Variants in DEK observed in about 807,000 individuals in gnomAD.
DEK encodes protein DEK.
DEK carries 28 observed loss-of-function variants against 46.8 expected under a neutral mutation model. The ratio of observed to expected loss-of-function variants is 0.60; its 90% confidence interval spans 0.44 to 0.82. The LOEUF (loss-of-function observed/expected upper bound fraction) is 0.82, where lower values mean the gene tolerates loss of function less well. Among genes scored for constraint, DEK ranks in the 40% least tolerant of loss-of-function variants. DEK has a pLI of 0.00. For synonymous variants in DEK, 160 were observed against 144.5 expected, an observed-to-expected ratio of 1.11 and a Z score of -0.77; for missense variants, 416 against 430.6, an observed-to-expected ratio of 0.97 and a Z score of 0.30.
Position 18,237,473 on chromosome 6 carries a change from G to C in DEK, c.806C>G (p.Ala269Gly), listed in dbSNP as rs2151081844. 6.2e-7 allele frequency: 1 copy of C among 1,609,826 alleles called. No individual in the cohort carries two copies. ...CACAGATTTTTTACTTTTAGAAGTA[G>C]CTTTCTGTTTAGGTTTTTCTCTTTT... Reference protein sequence around the residue: ...TAKREKPKQKATSKSKKSVKS... With the variant: ...TAKREKPKQKGTSKSKKSVKS... The change falls in exon 8 of 11, where the codon GCT (alanine) becomes GGT (glycine). Residue 269 changes from alanine to glycine, a missense_variant. Transcript: ENST00000652689.
In DEK at chr6:18,237,407, TTGG is replaced by T; in HGVS notation, c.869_871del (p.Thr290del). On this transcript the variant is annotated inframe_deletion, in exon 8 of 11. Transcript: ENST00000652689. ...TTTTTTGGAACTGTTTTGATTCTTC[TTGG>T]TGGTGCTGCTATCTGCTTTCTTAAC... 1 of 1,602,262 alleles carries T rather than the reference TTGG, an allele frequency of 6.2e-7. No individual in the cohort carries two copies. Among genetic ancestry groups the T allele is most frequent in the Non-Finnish European group, 8.5e-7 (1 of 1,177,514 alleles).
rs1476525597 is a variant in DEK, at chr6:18,237,455, T to C, written c.824A>G (p.Lys275Arg). ...PKQKATSKSK[K>R]SVKSANVKKA... The stretch of plus-strand genomic sequence containing the variant: ...CTTAACATTGGCACTTTTCACAGAT[T>C]TTTTACTTTTAGAAGTAGCTTTCTG... Residue 275 changes from lysine to arginine, a missense_variant, in exon 8 of 11, where the codon AAA becomes AGA. Physicochemically the swap from Lys to Arg is conservative, Grantham distance 26 (BLOSUM62 2). Transcript: ENST00000652689. 1.2e-6 allele frequency: 2 copies of C among 1,611,768 alleles called. No homozygotes were observed. The highest frequency in any genetic ancestry group is 1.7e-6 in the Non-Finnish European group (2 of 1,179,612).
intron 5 of DEK, 116 bp from the exon 6 acceptor site, chr6:18,255,967 G>T: frequency 8.3e-7 from 1 of 1,206,236 alleles, no homozygotes; most frequent in South Asian, 1.9e-5. Flanking sequence ...TTAAAAAAGT[G>T]GCCAATGCTT....
At position 18,236,734 on chromosome 6, in the gene DEK, CA is replaced by C. The variant is rs1790667321; in HGVS notation, c.899-135del. 4 of 551,990 alleles carry C rather than the reference CA, an allele frequency of 7.2e-6. No homozygotes were observed. The South Asian group carries it at 1.6e-4, about 22-fold the overall frequency. The allele number at this position is 551,990 out of a possible 1,614,324, so 34.2% of individuals were successfully genotyped here. A position where few individuals can be genotyped will look rare whatever the true frequency, so the allele number is the denominator to read the frequency against. On this transcript the variant is annotated intron_variant, in intron 8 of 10. Transcript: ENST00000652689. ...AAAAAAATTATAAATCACTACTCTA[CA>C]GTTACCTATAAAACATGCATACAAA... is the stretch of plus-strand genomic sequence containing the variant.
intron 9 of DEK, among the ~76,000 whole-genome samples, chr6:18,231,851 G>C (rs543151392): frequency 2.6e-5 from 4 of 152,072 alleles, no homozygotes; most frequent in East Asian, 1.9e-4. Flanking sequence ...GGAATCCTCC[G>C]TAACTCATTT....
intron 6 of DEK, among the ~76,000 whole-genome samples, chr6:18,254,461 C>T (rs2151091794): frequency 6.6e-6 from 1 of 152,252 alleles, no homozygotes; most frequent in East Asian, 1.9e-4. Context: ...AAATGCCACT[C>T]TTTCATTCTT....
chr6:18,252,301 G>A (rs112220145), intron 6 of DEK, among the ~76,000 whole-genome samples: 83 of 152,112 alleles, frequency 5.5e-4, no homozygotes, highest in African/African-American at 1.9e-3. Context: ...CATGAGCTCA[G>A]GAGTTTGTGA....
chr6:18,225,123 T>C lies in DEK; in HGVS notation c.*596A>G, dbSNP rs1174871023. 9.2e-6 allele frequency: 2 copies of C among 216,844 alleles called. No individual in the cohort carries two copies. Among genetic ancestry groups the C allele is most frequent in the Non-Finnish European group, 1.9e-5 (2 of 107,658 alleles). 13.4% of individuals were successfully genotyped at this position (216,844 alleles called of 1,614,324 possible). ...ATAAAAAAACTTTATATACAACCAA[T>C]TGTTTTTTAAAAATACAAAAATAAC... is the stretch of plus-strand genomic sequence containing the variant. On this transcript the variant is annotated 3_prime_UTR_variant, in exon 11 of 11. Transcript: ENST00000652689.
rs763357931 is a variant in DEK, at chr6:18,249,731, C to G, written c.682G>C (p.Asp228His). ...TCATCTTCATCACTACTAGATTCAT[C>G]TGACAGAATTTCAGGACATTTGGTT... ...KRTKCPEILS[D>H]ESSSDEDEKK... Residue 228 changes from aspartate (D) to histidine (H), a missense_variant, in exon 7 of 11, where the codon GAT becomes CAT. By Grantham distance (81) the Asp-to-His change is moderately conservative. Coordinates refer to ENST00000652689, the MANE Select transcript of DEK (RefSeq NM_003472.4). The G allele has an allele frequency of 6.2e-7, 1 of 1,613,966 alleles. No homozygotes were observed. Among genetic ancestry groups the G allele is most frequent in the Non-Finnish European group, 8.5e-7 (1 of 1,179,956 alleles).
chr6:18,262,755 G>C (rs1008390572), intron 2 of DEK, among the ~76,000 whole-genome samples: 8 of 152,142 alleles, frequency 5.3e-5, no homozygotes, highest in Admixed American at 1.3e-4. Context: ...TTTTGTTGTT[G>C]TATTAAAAAT....
chr6:18,234,285 T>TAG (rs1198270656), intron 9 of DEK, among the ~76,000 whole-genome samples: 1 of 150,776 alleles, frequency 6.6e-6, no homozygotes, highest in Non-Finnish European at 1.5e-5. Flanking sequence ...CATGGATATA[T>TAG]ATATATATAT....
At chr6:18,235,724 A>G (rs1292296682) in intron 9 of DEK, among the ~76,000 whole-genome samples, 1 of 152,174 alleles carries the variant, frequency 6.6e-6, no homozygotes, top group Non-Finnish European at 1.5e-5. Flanking sequence ...CCTGGCCTCA[A>G]GCAGTCCTCC....
chr6:18,247,584 G>A (rs77534837), intron 7 of DEK, among the ~76,000 whole-genome samples: 5,237 of 152,154 alleles, frequency 0.034, 263 homozygotes, highest in African/African-American at 0.11. Flanking sequence ...TATAAATCAG[G>A]TATCATCTGC....
chr6:18,246,957 T>G (rs1324819668), intron 7 of DEK, among the ~76,000 whole-genome samples: 3 of 152,214 alleles, frequency 2.0e-5, no homozygotes, highest in African/African-American at 7.2e-5. Context: ...TAATTTCCTA[T>G]CATAAAGAAA....
At chr6:18,237,860 C>CAT (rs1790728873) in intron 7 of DEK, among the ~76,000 whole-genome samples, 1 of 88,472 alleles carries the variant, frequency 1.1e-5, no homozygotes, top group Non-Finnish European at 2.1e-5. Context: ...CAACTGGAAT[C>CAT]TTTTTTTTTT....
At chr6:18,230,740 G>C (rs563009513) in intron 9 of DEK, among the ~76,000 whole-genome samples, 9 of 152,230 alleles carry the variant, frequency 5.9e-5, no homozygotes, top group Middle Eastern at 3.4e-3. Flanking sequence ...AGTCCTTAGA[G>C]ACCTACAAAG....
chr6:18,253,010 A>T (rs1336153010), intron 6 of DEK, among the ~76,000 whole-genome samples: 1 of 152,236 alleles, frequency 6.6e-6, no homozygotes, highest in East Asian at 1.9e-4. Flanking sequence ...ATATGGCTAC[A>T]ACTGAAGTTC....
Position 18,225,702 on chromosome 6 carries a change from C to T in DEK, c.*17G>A. 6.2e-7 allele frequency: 1 copy of T among 1,611,778 alleles called. No individual in the cohort carries two copies. Among genetic ancestry groups the T allele is most frequent in the Non-Finnish European group, 8.5e-7 (1 of 1,178,774 alleles). ...CTTCAAATCTATGGGAACGAGTCATCTTCTCTGTCCTCTATCTCAAGAAAT... is the reference window on the plus strand; with the variant it reads ...CTTCAAATCTATGGGAACGAGTCATTTTCTCTGTCCTCTATCTCAAGAAAT... On this transcript the variant is annotated 3_prime_UTR_variant, in exon 11 of 11. Transcript: ENST00000652689.
rs1392472472 is a variant in DEK at position 18,237,383 on chromosome 6, T to G, written c.896A>C (p.Lys299Thr). 2.5e-6 allele frequency: 4 copies of G among 1,589,930 alleles called. No individual in the cohort carries two copies. Among genetic ancestry groups the G allele is most frequent in the Non-Finnish European group, 3.4e-6 (4 of 1,174,558 alleles). ...TTKKNQNSSK[K>T]ESESEDSSDD... is the part of the protein sequence containing the mutation. ...GATTAATGTTATTTCTAACATACCT[T>G]TTTTGGAACTGTTTTGATTCTTCTT... Residue 299 changes from lysine to threonine, a missense_variant and splice_region_variant, in exon 8 of 11, where the codon AAA (lysine) becomes ACA (threonine). Lys to Thr is a moderately conservative substitution (Grantham distance 78, BLOSUM62 -1). Coordinates refer to ENST00000652689, the MANE Select transcript of DEK (RefSeq NM_003472.4).
Sources: allele counts gnomAD v4.1 joint callset (sites outside exome capture counted in the v4.1 genomes callset), GRCh38; gene constraint gnomAD v4.1.1; transcripts MANE v1.5; gene names NCBI Gene and HGNC (gene_info 2026-07-23, HGNC 2026-07-21).